The following ITSN2 variants were observed in gnomAD, a reference collection of about 807,000 sequenced individuals.
ITSN2 encodes the protein intersectin-2.
ITSN2 carries 156 observed loss-of-function variants against 243.7 expected under a neutral mutation model. The observed-to-expected ratio is 0.64, with a 90% CI of 0.56 to 0.73. ITSN2 has a LOEUF of 0.73. Ranked by LOEUF, ITSN2 falls within the 30% of genes least tolerant of loss-of-function variation. ITSN2 has a pLI of 0.00. For synonymous variants in ITSN2, 703 were observed against 699.9 expected (o/e 1.00, Z -0.07); for missense variants, 1,801 against 1,996.1 (o/e 0.90, Z 1.86).
intron 1 of ITSN2, among the ~76,000 whole-genome samples, chr2:24,338,689 G>A (rs1055344570): frequency 1.3e-5 from 2 of 151,948 alleles, no homozygotes; most frequent in Non-Finnish European, 2.9e-5. Context: ...AACATGAATG[G>A]TCATTATAAT....
At chr2:24,209,693 CGAGCGATCT>C (rs1419908020) in intron 35 of ITSN2, 116 bp downstream of exon 35, 3 of 719,562 alleles carry the variant, frequency 4.2e-6, no homozygotes, top group Non-Finnish European at 7.1e-6. Flanking sequence ...AAAGGAAGCA[CGAGCGATCT>C]GGAACCAGGT....
intron 29 of ITSN2, chr2:24,242,056 A>G (rs1322971801): frequency 6.6e-6 from 1 of 152,636 alleles, no homozygotes; most frequent in African/African-American, 2.4e-5. Context: ...AACACAAAAA[A>G]ATAATCACAA....
chr2:24,209,734 G>GC, intron 35 of ITSN2, 84 bp downstream of exon 35: 3 of 1,102,226 alleles, frequency 2.7e-6, no homozygotes, highest in Non-Finnish European at 4.1e-6. Flanking sequence ...CGTAAGGCCA[G>GC]CTCAGGGTCT....
chr2:24,303,021 C>A (rs1423441655), intron 9 of ITSN2, among the ~76,000 whole-genome samples: 1 of 152,322 alleles, frequency 6.6e-6, no homozygotes, highest in African/African-American at 2.4e-5. Flanking sequence ...AAACATACTG[C>A]ACTGCCAGCT....
At chr2:24,286,486 G>A (rs565638655) in intron 15 of ITSN2, 135 bp from the exon 16 acceptor site, 1 of 621,130 alleles carries the variant, frequency 1.6e-6, no homozygotes. Context: ...ACCAGTACAA[G>A]AGAAAACATT....
intron 34 of ITSN2, chr2:24,210,370 G>C (rs1669340709): frequency 3.2e-6 from 1 of 311,288 alleles, no homozygotes; most frequent in Non-Finnish European, 6.0e-6. Flanking sequence ...CAGCACTGTT[G>C]GGAGACAGAG....
chr2:24,229,938 G>A (rs1340672767), intron 29 of ITSN2, among the ~76,000 whole-genome samples: 2 of 152,008 alleles, frequency 1.3e-5, no homozygotes, highest in Admixed American at 6.6e-5. Context: ...GACTTCTAAT[G>A]TCGCAGTGCC....
At chr2:24,289,547 G>A (rs150194056) in intron 15 of ITSN2, among the ~76,000 whole-genome samples, 107 of 152,284 alleles carry the variant, frequency 7.0e-4, no homozygotes, top group African/African-American at 2.5e-3. Flanking sequence ...TCTGCAGACA[G>A]GGATAATTTT....
rs543212255 is a variant in ITSN2, at chr2:24,246,166, G to A, written c.3540C>T (p.Tyr1180=). 31 of 1,613,234 alleles carry A rather than the reference G, an allele frequency of 1.9e-5. No individual in the cohort carries two copies. In the South Asian group the frequency reaches 2.0e-4, roughly 10 times the overall value. The change falls in exon 29 of 40, where the codon TAC becomes TAT. Residue 1180 remains tyrosine (Y), a synonymous_variant. Transcript: ENST00000355123. ...NGVTGLFPSN[Y]VKMTTDSDPS... The stretch of plus-strand genomic sequence containing the variant: ...GATCTGAGTCTGTCGTCATCTTAAC[G>A]TAGTTTGAAGGAAAGAGACCAGTCA...
intron 20 of ITSN2, among the ~76,000 whole-genome samples, chr2:24,262,895 T>C (rs1676089772): frequency 6.6e-6 from 1 of 152,184 alleles, no homozygotes; most frequent in African/African-American, 2.4e-5. Context: ...TAAAAAATCT[T>C]TGGCTCTTAC....
At chr2:24,291,414 CCA>C (rs1344790323) in intron 15 of ITSN2, among the ~76,000 whole-genome samples, 2 of 152,126 alleles carry the variant, frequency 1.3e-5, no homozygotes, top group Non-Finnish European at 2.9e-5. Context: ...CAGGCATGAG[CCA>C]CAGTGTCCAG....
chr2:24,341,387 G>A (rs2151906643), intron 1 of ITSN2, among the ~76,000 whole-genome samples: 1 of 152,276 alleles, frequency 6.6e-6, no homozygotes, highest in East Asian at 1.9e-4. Flanking sequence ...TAAGAAAAAA[G>A]AGACAAGAAT....
At chr2:24,307,419 TTA>T (rs1682695501) in intron 8 of ITSN2, among the ~76,000 whole-genome samples, 1 of 151,732 alleles carries the variant, frequency 6.6e-6, no homozygotes, top group South Asian at 2.1e-4. Context: ...ACAGAAAATC[TTA>T]GTTATGTAAT....
intron 14 of ITSN2, among the ~76,000 whole-genome samples, chr2:24,294,675 T>C (rs972832271): frequency 1.3e-5 from 2 of 152,160 alleles, no homozygotes; most frequent in Non-Finnish European, 2.9e-5. Context: ...CATATTCAAG[T>C]TCTCATCATA....
At chr2:24,331,375 CTT>C (rs879645468) in intron 1 of ITSN2, among the ~76,000 whole-genome samples, 5 of 144,462 alleles carry the variant, frequency 3.5e-5, no homozygotes, top group Non-Finnish European at 3.1e-5. Flanking sequence ...GCCCAGCCTA[CTT>C]TTTTTTTTTT....
At chr2:24,261,856 A>G in intron 20 of ITSN2, 114 bp from the exon 21 acceptor site, 2 of 694,414 alleles carry the variant, frequency 2.9e-6, no homozygotes, top group Admixed American at 3.1e-5. Flanking sequence ...CCATCTAACT[A>G]AACAGCTAAG....
At chr2:24,233,088 A>T (rs1671788786) in intron 29 of ITSN2, among the ~76,000 whole-genome samples, 1 of 152,220 alleles carries the variant, frequency 6.6e-6, no homozygotes, top group South Asian at 2.1e-4. Context: ...AGACTGTTCC[A>T]TGCACTGTAG....
chr2:24,326,319 T>C (rs906937822), intron 2 of ITSN2, among the ~76,000 whole-genome samples: 9 of 152,196 alleles, frequency 5.9e-5, no homozygotes, highest in Non-Finnish European at 1.2e-4. Flanking sequence ...TTATATTTTA[T>C]ATATAATGCA....
intron 8 of ITSN2, among the ~76,000 whole-genome samples, chr2:24,305,723 GA>G (rs1193778358): frequency 6.6e-6 from 1 of 151,720 alleles, no homozygotes; most frequent in African/African-American, 2.4e-5. Context: ...TCTTTTTATA[GA>G]AAACCTTGTC....
Sources: allele counts gnomAD v4.1 joint callset (sites outside exome capture counted in the v4.1 genomes callset), GRCh38; gene constraint gnomAD v4.1.1; transcripts MANE v1.5; gene names NCBI Gene and HGNC (gene_info 2026-07-23, HGNC 2026-07-21).